CACNA2D1: variants seen among roughly 807,000 people sequenced by gnomAD.
CACNA2D1 encodes voltage-dependent calcium channel subunit alpha-2/delta-1.
Under a neutral mutation model 171.5 loss-of-function variants are expected in CACNA2D1, and 53 were observed. The observed-to-expected ratio is 0.31, with a 90% CI of 0.25 to 0.39. The LOEUF (loss-of-function observed/expected upper bound fraction) is 0.39. Among genes scored for constraint, CACNA2D1 ranks in the 10% least tolerant of loss-of-function variants. The pLI is 1.00. For missense variants in CACNA2D1, 903 were observed against 1,299.8 expected (o/e 0.69, Z 4.69); for synonymous variants, 442 against 443.1 (o/e 1.00, Z 0.03).
chr7:82,274,344 C>T (rs1003534894), intron 3 of CACNA2D1, among the ~76,000 whole-genome samples: 2 of 152,154 alleles, frequency 1.3e-5, no homozygotes, highest in African/African-American at 4.8e-5. Context: ...CTATTATTTT[C>T]TTTATTGCAT....
At chr7:82,427,197 T>C (rs1340618733) in intron 1 of CACNA2D1, among the ~76,000 whole-genome samples, 3 of 152,082 alleles carry the variant, frequency 2.0e-5, no homozygotes, top group Admixed American at 2.0e-4. Flanking sequence ...TTAGCACAAT[T>C]TGGATGGTAG....
chr7:82,013,595 T>C, intron 13 of CACNA2D1, 85 bp from the exon 14 acceptor site: 1 of 465,600 alleles, frequency 2.1e-6, no homozygotes. Context: ...AAATATTTTA[T>C]AAAGAGTATT....
intron 3 of CACNA2D1, among the ~76,000 whole-genome samples, chr7:82,253,611 A>C (rs2129319467): frequency 6.6e-6 from 1 of 152,368 alleles, no homozygotes; most frequent in East Asian, 1.9e-4. Flanking sequence ...GGCATACAAA[A>C]TAAATGAACA....
At chr7:81,964,892 CT>C (rs111383047) in intron 32 of CACNA2D1, among the ~76,000 whole-genome samples, 101 of 151,628 alleles carry the variant, frequency 6.7e-4, no homozygotes, top group African/African-American at 2.4e-3. Context: ...CAAATCAAAG[CT>C]TTTTTTTGTA....
At chr7:82,226,805 T>TA (rs1425777769) in intron 3 of CACNA2D1, among the ~76,000 whole-genome samples, 1 of 152,196 alleles carries the variant, frequency 6.6e-6, no homozygotes, top group Non-Finnish European at 1.5e-5. Flanking sequence ...TTTATATTTC[T>TA]GTACTTTATT....
At chr7:82,032,707 A>C (rs1030330860) in intron 12 of CACNA2D1, 90 bp downstream of exon 12, 2 of 685,884 alleles carry the variant, frequency 2.9e-6, no homozygotes, top group Middle Eastern at 4.0e-4. Context: ...TTTTAAATCA[A>C]AAATTCTCCC....
At chr7:82,269,861 A>G (rs540354677) in intron 3 of CACNA2D1, among the ~76,000 whole-genome samples, 1 of 152,288 alleles carries the variant, frequency 6.6e-6, no homozygotes, top group Non-Finnish European at 1.5e-5. Context: ...AGAGTGCTTC[A>G]GTAGATGAAC....
chr7:81,991,297 T>G (rs983920190), intron 20 of CACNA2D1, 51 bp from the exon 21 acceptor site: 1 of 917,176 alleles, frequency 1.1e-6, no homozygotes, highest in African/African-American at 1.6e-5. Flanking sequence ...TGTATGAATA[T>G]ATACGAAAAG....
chr7:81,954,919 ACT>A (rs1793043440), intron 38 of CACNA2D1, among the ~76,000 whole-genome samples: 1 of 151,692 alleles, frequency 6.6e-6, no homozygotes, highest in African/African-American at 2.4e-5. Flanking sequence ...TCACCTTAAC[ACT>A]CTTACACATT....
intron 3 of CACNA2D1, among the ~76,000 whole-genome samples, chr7:82,264,207 AC>A (rs1421113708): frequency 4.6e-5 from 7 of 152,202 alleles, no homozygotes; most frequent in African/African-American, 1.7e-4. Context: ...ACTTAATGAT[AC>A]CCATGTGTGT....
chr7:82,404,094 A>G (rs531275009), intron 1 of CACNA2D1, among the ~76,000 whole-genome samples: 2 of 152,272 alleles, frequency 1.3e-5, no homozygotes, highest in East Asian at 1.9e-4. Context: ...TCTCACCCCA[A>G]TCTCTACAGC....
At chr7:82,221,947 TA>T (rs1801821639) in intron 3 of CACNA2D1, among the ~76,000 whole-genome samples, 1 of 147,410 alleles carries the variant, frequency 6.8e-6, no homozygotes, top group Non-Finnish European at 1.5e-5. Flanking sequence ...TCCGCTTAAA[TA>T]AAAATGAAAA....
chr7:81,985,057 C>A (rs1024076604), intron 21 of CACNA2D1, among the ~76,000 whole-genome samples: 6 of 151,880 alleles, frequency 4.0e-5, no homozygotes, highest in Admixed American at 1.3e-4. Flanking sequence ...AATTGAAGAA[C>A]ATTAGGGGTA....
chr7:82,080,472 A>G (rs1219649173), intron 7 of CACNA2D1, among the ~76,000 whole-genome samples: 1 of 152,196 alleles, frequency 6.6e-6, no homozygotes, highest in Non-Finnish European at 1.5e-5. Context: ...CATATTACAA[A>G]TATAGAAACT....
At chr7:82,000,189 G>A (rs984568537) in intron 18 of CACNA2D1, among the ~76,000 whole-genome samples, 10 of 152,090 alleles carry the variant, frequency 6.6e-5, no homozygotes, top group African/African-American at 2.2e-4. Flanking sequence ...AACCCAGGAG[G>A]GAGAGGTTGC....
chr7:82,149,994 A>G (rs2237512), intron 4 of CACNA2D1, among the ~76,000 whole-genome samples: 42,433 of 151,094 alleles, frequency 0.28, 6,131 homozygotes, highest in East Asian at 0.41. Context: ...GTGTGTGTGC[A>G]TGTGTGTGTG....
intron 1 of CACNA2D1, among the ~76,000 whole-genome samples, chr7:82,424,445 T>C (rs2129457848): frequency 6.6e-6 from 1 of 152,304 alleles, no homozygotes; most frequent in South Asian, 2.1e-4. Flanking sequence ...ACTGGGGCGT[T>C]AGAGGACATT....
intron 6 of CACNA2D1, among the ~76,000 whole-genome samples, chr7:82,108,985 T>C (rs1004688603): frequency 6.6e-6 from 1 of 152,150 alleles, no homozygotes; most frequent in Non-Finnish European, 1.5e-5. Context: ...ACAGAAGCAA[T>C]TGTACTTTTT....
chr7:82,301,552 G>C (rs111609776), intron 3 of CACNA2D1, among the ~76,000 whole-genome samples: 3,829 of 151,672 alleles, frequency 0.025, 154 homozygotes, highest in African/African-American at 0.088. Context: ...CATACACAAC[G>C]AAAAAAGAGT....
Sources: allele counts gnomAD v4.1 joint callset (sites outside exome capture counted in the v4.1 genomes callset), GRCh38; gene constraint gnomAD v4.1.1; transcripts MANE v1.5; gene names NCBI Gene and HGNC (gene_info 2026-07-23, HGNC 2026-07-21).